AGAP1: variants seen among roughly 807,000 people sequenced by gnomAD.
AGAP1 encodes the protein ArfGAP with GTPase domain, ankyrin repeat and PH domain 1.
A neutral mutation model predicts 105.3 loss-of-function variants in AGAP1; 29 were observed. The ratio of observed to expected loss-of-function variants is 0.28; its 90% CI spans 0.21 to 0.38. The LOEUF (loss-of-function observed/expected upper bound fraction) is 0.38. Ranked by LOEUF, AGAP1 falls within the 10% of genes least tolerant of loss-of-function variation. The pLI, the probability that AGAP1 is intolerant of heterozygous loss-of-function variation, is 1.00. For missense variants in AGAP1, 998 were observed against 1,165.1 expected, an observed-to-expected ratio of 0.86 and a Z score of 2.09; for synonymous variants, 509 against 485.9, an observed-to-expected ratio of 1.05 and a Z score of -0.63.
chr2:235,656,742 G>A (rs748359757), intron 1 of AGAP1, among the ~76,000 whole-genome samples: 6 of 152,142 alleles, frequency 3.9e-5, no homozygotes, highest in African/African-American at 9.7e-5. Flanking sequence ...CTGTAAGGGC[G>A]CACCCTTCTG....
Position 236,120,097 on chromosome 2 carries a change from T to C in AGAP1, c.2115-95T>C. The C allele has an allele frequency of 6.6e-7, 1 of 1,509,506 alleles. No individual in the cohort carries two copies. Among genetic ancestry groups the C allele is most frequent in the Non-Finnish European group, 8.9e-7 (1 of 1,124,338 alleles). The allele number at this position is 1,509,506 out of a possible 1,614,324, so 93.5% of individuals were successfully genotyped here. A position where few individuals can be genotyped will look rare whatever the true frequency, so the allele number is the denominator to read the frequency against. On this transcript the variant is annotated intron_variant, in intron 16 of 17. Coordinates refer to ENST00000304032, the MANE Select transcript of AGAP1 (RefSeq NM_001037131.3). The surrounding 1 kb of genome is among the most constrained non-coding windows in gnomAD (Gnocchi z 6.0). ...GACCTTTGCTTTCTGTTATTTCACT[T>C]CCCTCTCGGCTTCTCCCGACCACAC...
chr2:235,928,301 A>G (rs1225623670), intron 11 of AGAP1, among the ~76,000 whole-genome samples: 3 of 152,142 alleles, frequency 2.0e-5, no homozygotes, highest in East Asian at 1.9e-4. Flanking sequence ...CGCACCTTCG[A>G]TGGGTGGATG....
chr2:235,949,743 C>G (rs1341695935), intron 12 of AGAP1, among the ~76,000 whole-genome samples: 1 of 152,178 alleles, frequency 6.6e-6, no homozygotes, highest in Non-Finnish European at 1.5e-5. Context: ...GGTCCAGCTG[C>G]ATAAACAGCC....
rs1191127307 is a variant in AGAP1 at position 235,609,754 on chromosome 2, T to C, written c.164-99425T>C. 6.6e-6 allele frequency among the ~76,000 whole-genome samples: 1 copy of C among 152,080 alleles called. No homozygotes were observed. The highest frequency in any genetic ancestry group is 1.5e-5 in the Non-Finnish European group (1 of 68,026). ...GTTGTATGCTGTGGCTCAGAAGTTATGTGGCCACTTTCACTCCCAACTCAC... is the reference window on the plus strand; with the variant it reads ...GTTGTATGCTGTGGCTCAGAAGTTACGTGGCCACTTTCACTCCCAACTCAC... On this transcript the variant is annotated intron_variant, in intron 1 of 17. Coordinates refer to ENST00000304032, the MANE Select transcript of AGAP1 (RefSeq NM_001037131.3). The surrounding 1 kb of genome is among the most constrained non-coding windows in gnomAD (Gnocchi z 5.1).
At chr2:236,019,344 G>A (rs762404574) in intron 13 of AGAP1, among the ~76,000 whole-genome samples, 11 of 152,194 alleles carry the variant, frequency 7.2e-5, no homozygotes, top group Non-Finnish European at 1.6e-4. Context: ...ATCTCATGCA[G>A]AAGGAGGGAA....
At chr2:236,075,515 G>A (rs1310857903) in intron 16 of AGAP1, among the ~76,000 whole-genome samples, 1 of 152,132 alleles carries the variant, frequency 6.6e-6, no homozygotes, top group Non-Finnish European at 1.5e-5. Context: ...GAGGATCAAG[G>A]AAGCTGGGCC....
intron 1 of AGAP1, among the ~76,000 whole-genome samples, chr2:235,548,755 AG>A (rs1943709048): frequency 6.6e-6 from 1 of 152,082 alleles, no homozygotes; most frequent in African/African-American, 2.4e-5. Flanking sequence ...CTCATTTGGC[AG>A]CAGAACCTGA....
rs2054611057 is a variant in AGAP1 at position 235,970,795 on chromosome 2, C to T, written c.1645+2172C>T. On this transcript the variant is annotated intron_variant, in intron 13 of 17. Transcript: ENST00000304032. The surrounding 1 kb of genome is among the most constrained non-coding windows in gnomAD (Gnocchi z 5.4). ...ACCGGTGAGTTTGAAGGAAGTTTGACAAGTGACCGTGACCACGTTGGACGC... is the reference window on the plus strand; with the variant it reads ...ACCGGTGAGTTTGAAGGAAGTTTGATAAGTGACCGTGACCACGTTGGACGC... Among the ~76,000 whole-genome samples the T allele has an allele frequency of 6.6e-6, 1 of 152,196 alleles. No individual in the cohort carries two copies. Among genetic ancestry groups the T allele is most frequent in the Non-Finnish European group, 1.5e-5 (1 of 68,032 alleles).
intron 3 of AGAP1, among the ~76,000 whole-genome samples, chr2:235,726,310 A>G (rs920703477): frequency 6.6e-6 from 1 of 152,196 alleles, no homozygotes; most frequent in Non-Finnish European, 1.5e-5. Flanking sequence ...GAGCCCAACA[A>G]CAGCACAGCA....
intron 13 of AGAP1, among the ~76,000 whole-genome samples, chr2:236,033,248 AAAAT>A (rs1190584395): frequency 5.3e-5 from 8 of 152,184 alleles, no homozygotes; most frequent in African/African-American, 1.4e-4. Context: ...TCTGTCTCAA[AAAAT>A]AAATAAATAG....
chr2:235,783,132 C>A (rs998384254), intron 6 of AGAP1, among the ~76,000 whole-genome samples: 1 of 150,490 alleles, frequency 6.6e-6, no homozygotes, highest in Non-Finnish European at 1.5e-5. Context: ...TCTTAAATAC[C>A]ATTTTTCTCA....
rs2049261953 is a variant in AGAP1 at position 235,867,965 on chromosome 2, A to T, written c.1051-15380A>T. ...TTTAATACATGTTTATAGGGGGAAA[A>T]ATCTTAATTAGAATAATTAGAATAA... On this transcript the variant is annotated intron_variant, in intron 9 of 17. Coordinates refer to ENST00000304032, the MANE Select transcript of AGAP1 (RefSeq NM_001037131.3). The surrounding 1 kb of genome is among the most constrained non-coding windows in gnomAD (Gnocchi z 5.4). Among the ~76,000 whole-genome samples the T allele has an allele frequency of 6.6e-6, 1 of 152,126 alleles. No individual in the cohort carries two copies. Among genetic ancestry groups the T allele is most frequent in the Non-Finnish European group, 1.5e-5 (1 of 68,036 alleles).
chr2:235,718,323 C>T (rs964171298), intron 3 of AGAP1: 3 of 970,610 alleles, frequency 3.1e-6, no homozygotes, highest in Non-Finnish European at 3.7e-6. Context: ...AAATCCAACT[C>T]TGAGACACTG....
At position 235,940,011 on chromosome 2, in the gene AGAP1, G is replaced by A. The variant is rs143926839; in HGVS notation, c.1483+9088G>A. ...CTACCTGCTCGGAGGGGAGTTGGGCGGCTCATGCTCAGCATATTTGAAGAA... is the reference window on the plus strand; with the variant it reads ...CTACCTGCTCGGAGGGGAGTTGGGCAGCTCATGCTCAGCATATTTGAAGAA... On this transcript the variant is annotated intron_variant, in intron 12 of 17. Coordinates refer to ENST00000304032, the MANE Select transcript of AGAP1 (RefSeq NM_001037131.3). Among the ~76,000 whole-genome samples, 164 of 152,220 alleles carry A rather than the reference G, an allele frequency of 1.1e-3. 1 individual carries two copies. Among genetic ancestry groups the A allele is most frequent in the Non-Finnish European group, 1.9e-3 (132 of 68,010 alleles).
chr2:235,653,886 G>C (rs918754024), intron 1 of AGAP1, among the ~76,000 whole-genome samples: 1 of 152,190 alleles, frequency 6.6e-6, no homozygotes, highest in African/African-American at 2.4e-5. Flanking sequence ...GTGAAACCCC[G>C]TCTCTACTAA....
rs553794077 is a variant in AGAP1 at position 235,535,285 on chromosome 2, A to G, written c.163+40436A>G. Among the ~76,000 whole-genome samples, 14 of 152,216 alleles carry G rather than the reference A, an allele frequency of 9.2e-5. No individual in the cohort carries two copies. Among genetic ancestry groups the G allele is most frequent in the East Asian group, 1.9e-4 (1 of 5,164 alleles). On this transcript the variant is annotated intron_variant, in intron 1 of 17. Transcript: ENST00000304032. This position sits in a 1 kb window ranked among gnomAD's most constrained non-coding sequence, Gnocchi z 5.1. The stretch of plus-strand genomic sequence containing the variant: ...CCGTTTCATCTGCACGTCTCTTTCA[A>G]TGCGGGCGTGCGAACTTCCAGGTAG...
chr2:235,697,588 C>T (rs575716617), intron 1 of AGAP1, among the ~76,000 whole-genome samples: 23 of 152,290 alleles, frequency 1.5e-4, no homozygotes, highest in South Asian at 4.1e-4. Context: ...GGACCCTCCC[C>T]CAACCAATTT....
chr2:236,037,422 G>A (rs2057415957), intron 14 of AGAP1: 1 of 152,030 alleles, frequency 6.6e-6, no homozygotes, highest in African/African-American at 2.4e-5. Context: ...CCTTTGGAGA[G>A]AGTCTATCTC....
At chr2:235,654,892 A>G (rs1392617815) in intron 1 of AGAP1, among the ~76,000 whole-genome samples, 2 of 152,232 alleles carry the variant, frequency 1.3e-5, no homozygotes, top group Non-Finnish European at 2.9e-5. Context: ...AGATTAAACA[A>G]TTATAAGGAG....
Sources: gnomAD v4.1 joint callset for allele counts (sites outside exome capture counted in the v4.1 genomes callset) on GRCh38, gnomAD v4.1.1 for gene constraint, Gnocchi (gnomAD v3.1) non-coding constraint, MANE v1.5 for transcripts, NCBI Gene and HGNC (gene_info 2026-07-23, HGNC 2026-07-21) for gene names.